Variants in IL12A observed in about 807,000 individuals in gnomAD.
IL12A encodes interleukin 12A.
Under a neutral mutation model 23.5 loss-of-function variants are expected in IL12A, and 16 were observed. The observed-to-expected ratio is 0.68, with a 90% CI of 0.46 to 1.03. IL12A has a LOEUF of 1.03. Ranked by LOEUF, IL12A falls within the 50% of genes least tolerant of loss-of-function variation. The pLI is 0.00. For missense variants in IL12A, 275 were observed against 307.0 expected (o/e 0.90, Z 0.78); for synonymous variants, 106 against 111.5 (o/e 0.95, Z 0.31).
intron 6 of IL12A, chr3:159,994,323 T>C (rs1469962474): frequency 1.9e-5 from 3 of 157,462 alleles, no homozygotes; most frequent in African/African-American, 7.2e-5. Flanking sequence ...ACAAGCAAGA[T>C]TGGTGCCTGA....
At chr3:159,992,437 A>G (rs905694673) in intron 2 of IL12A, among the ~76,000 whole-genome samples, 1 of 152,146 alleles carries the variant, frequency 6.6e-6, no homozygotes, top group Admixed American at 6.5e-5. Context: ...AATGATCGTA[A>G]TCTTCAATCA....
chr3:159,993,101 C>T lies in IL12A; in HGVS notation c.354C>T (p.Ala118=), dbSNP rs746817892. The T allele has an allele frequency of 3.8e-6, 6 of 1,592,746 alleles. No homozygotes were observed. In the South Asian group the frequency reaches 6.6e-5, roughly 18 times the overall value. Reference sequence around the variant, plus strand: ...AAGATAAAACCAGCACAGTGGAGGCCTGTTTACCATTGGAATTAACCAAGG... The same window carrying T: ...AAGATAAAACCAGCACAGTGGAGGCTTGTTTACCATTGGAATTAACCAAGG... Residue 118 remains alanine (A), a synonymous_variant, in exon 3 of 7, where the codon GCC becomes GCT. Transcript: ENST00000305579.
chr3:159,991,180 T>G (rs1192988627), intron 2 of IL12A, among the ~76,000 whole-genome samples: 1 of 152,192 alleles, frequency 6.6e-6, no homozygotes, highest in African/African-American at 2.4e-5. Context: ...CGAAGAAAGG[T>G]TCAAAATGGG....
rs1201749064 is a variant in IL12A at position 159,990,320 on chromosome 3, T to C, written c.264+8T>C. On this transcript the variant is annotated splice_region_variant and intron_variant, in intron 2 of 6. Coordinates refer to ENST00000305579, the MANE Select transcript of IL12A (RefSeq NM_000882.4). Reference sequence around the variant, plus strand: ...AGCAACATGCTCCAGAAGGTGAGCCTTTCCTGTCCTCTCCACTGTGGACCT... The same window carrying C: ...AGCAACATGCTCCAGAAGGTGAGCCCTTCCTGTCCTCTCCACTGTGGACCT... 10 of 1,613,760 alleles carry C rather than the reference T, an allele frequency of 6.2e-6. 1 individual carries two copies. The South Asian group carries it at 9.9e-5, about 16-fold the overall frequency.
At chr3:159,993,881 A>G in intron 6 of IL12A, 37 bp downstream of exon 6, 2 of 1,607,500 alleles carry the variant, frequency 1.2e-6, no homozygotes, top group Non-Finnish European at 1.7e-6. Flanking sequence ...CACCTTTTTC[A>G]TGCTAAAGAT....
At position 159,989,021 on chromosome 3, in the gene IL12A, G is replaced by A. The variant is rs772406139; in HGVS notation, c.-36G>A. The A allele has an allele frequency of 1.3e-6, 2 of 1,526,202 alleles. No individual in the cohort carries two copies. Among genetic ancestry groups the A allele is most frequent in the Non-Finnish European group, 1.8e-6 (2 of 1,100,380 alleles). The allele number at this position is 1,526,202 out of a possible 1,614,324, so 94.5% of individuals were successfully genotyped here. A position where few individuals can be genotyped will look rare whatever the true frequency, so the allele number is the denominator to read the frequency against. ...ACAGAAAGCAAGAGACCAGAGTCCC[G>A]GGAAAGTCCTGCCGCGCCTCGGGAC... is the stretch of plus-strand genomic sequence containing the variant. On this transcript the variant is annotated 5_prime_UTR_variant, in exon 1 of 7. Coordinates refer to ENST00000305579, the MANE Select transcript of IL12A (RefSeq NM_000882.4).
chr3:159,992,433 C>T (rs1348499814), intron 2 of IL12A, among the ~76,000 whole-genome samples: 2 of 152,144 alleles, frequency 1.3e-5, no homozygotes, highest in African/African-American at 2.4e-5. Flanking sequence ...GAAAAATGAT[C>T]GTAATCTTCA....
chr3:159,992,920 G>A (rs1720367567), intron 2 of IL12A, 92 bp from the exon 3 acceptor site: 11 of 683,168 alleles, frequency 1.6e-5, no homozygotes, highest in Admixed American at 5.1e-5. Flanking sequence ...GCAGCCAGCC[G>A]GAGCCTTCCT....
At chr3:159,994,097 T>C in intron 6 of IL12A, 1 of 415,802 alleles carries the variant, frequency 2.4e-6, no homozygotes, top group Non-Finnish European at 4.4e-6. Context: ...TTGTGCATTT[T>C]CTTATGTCAG....
At position 159,993,822 on chromosome 3, in the gene IL12A, C is replaced by T; in HGVS notation, c.584C>T (p.Ala195Val). The T allele has an allele frequency of 6.2e-7, 1 of 1,614,112 alleles. No homozygotes were observed. Among genetic ancestry groups the T allele is most frequent in the Non-Finnish European group, 8.5e-7 (1 of 1,179,996 alleles). ...ATCTTTCTAGATCAAAACATGCTGG[C>T]AGTTATTGATGAGCTGATGCAGGTA... Residue 195 changes from alanine (A) to valine (V), a missense_variant, in exon 6 of 7, where the codon GCA (alanine) becomes GTA (valine). Ala to Val is a moderately conservative substitution (Grantham distance 64). Transcript: ENST00000305579.
Position 159,990,228 on chromosome 3 carries a change from C to A in IL12A, c.180C>A (p.Pro60=). The change falls in exon 2 of 7, where the codon CCC becomes CCA. Residue 60 remains proline, a synonymous_variant. Coordinates refer to ENST00000305579, the MANE Select transcript of IL12A (RefSeq NM_000882.4). ...ACCTCAGTTTGGCCAGAAACCTCCC[C>A]GTGGCCACTCCAGACCCAGGAATGT... is the stretch of plus-strand genomic sequence containing the variant. 1.2e-6 allele frequency: 2 copies of A among 1,614,034 alleles called. No individual in the cohort carries two copies. The highest frequency in any genetic ancestry group is 8.5e-7 in the Non-Finnish European group (1 of 1,179,966).
At position 159,990,396 on chromosome 3, in the gene IL12A, G is replaced by A; in HGVS notation, c.264+84G>A. Reference sequence around the variant, plus strand: ...TGATCCTCCCCTCTGGTACCTGATGGAACTGCAGAGAAATTGTGGAAGTTC... The same window carrying A: ...TGATCCTCCCCTCTGGTACCTGATGAAACTGCAGAGAAATTGTGGAAGTTC... On this transcript the variant is annotated intron_variant, in intron 2 of 6. Transcript: ENST00000305579. 4 of 1,362,660 alleles carry A rather than the reference G, an allele frequency of 2.9e-6. No homozygotes were observed. The South Asian group carries it at 4.1e-5, about 14-fold the overall frequency. The allele number at this position is 1,362,660 out of a possible 1,614,324, so 84.4% of individuals were successfully genotyped here.
intron 6 of IL12A, chr3:159,994,447 A>G (rs1720425026): frequency 6.6e-6 from 1 of 152,424 alleles, no homozygotes; most frequent in Non-Finnish European, 1.5e-5. Context: ...CTGAATCACC[A>G]TAACACAGAT....
At chr3:159,994,580 G>GTGTGTT (rs374727762) in intron 6 of IL12A, among the ~76,000 whole-genome samples, 1,363 of 30,434 alleles carry the variant, frequency 0.045, 11 homozygotes, top group Non-Finnish European at 0.055. Flanking sequence ...TATTCTTTTC[G>GTGTGTT]TGTGTGTGTG....
intron 6 of IL12A, among the ~76,000 whole-genome samples, chr3:159,994,824 G>C (rs2108048411): frequency 6.6e-6 from 1 of 152,184 alleles, no homozygotes; most frequent in South Asian, 2.1e-4. Flanking sequence ...GTATAAAATG[G>C]GGTGACTTTA....
At chr3:159,993,519 C>T (rs375505799) in intron 4 of IL12A, 27 bp downstream of exon 4, 4 of 1,613,730 alleles carry the variant, frequency 2.5e-6, no homozygotes, top group Non-Finnish European at 3.4e-6. Flanking sequence ...AAAGTTTCAG[C>T]CTGTATGATG....
intron 2 of IL12A, 21 bp downstream of exon 2, chr3:159,990,333 C>T (rs1215002509): frequency 1.9e-6 from 3 of 1,612,166 alleles, no homozygotes; most frequent in African/African-American, 2.7e-5. Flanking sequence ...CCTGTCCTCT[C>T]CACTGTGGAC....
Position 159,993,495 on chromosome 3 carries a change from A to G in IL12A, c.420+3A>G, listed in dbSNP as rs1221922617. The G allele has an allele frequency of 1.9e-6, 3 of 1,613,642 alleles. No individual in the cohort carries two copies. Among genetic ancestry groups the G allele is most frequent in the Non-Finnish European group, 2.5e-6 (3 of 1,179,532 alleles). On this transcript the variant is annotated splice_donor_region_variant and intron_variant, in intron 4 of 6. Transcript: ENST00000305579. ...CCAGAGAGACCTCTTTCATAACTGT[A>G]AGTCAAAAAATGAAAAGTTTCAGCC...
At chr3:159,995,374 G>A in intron 6 of IL12A, 30 bp from the exon 7 acceptor site, 1 of 1,524,616 alleles carries the variant, frequency 6.6e-7, no homozygotes, top group Non-Finnish European at 8.8e-7. Flanking sequence ...GGAATACCAT[G>A]TAAGTCATGC....
Sources: gnomAD v4.1 joint callset for allele counts (sites outside exome capture counted in the v4.1 genomes callset) on GRCh38, gnomAD v4.1.1 for gene constraint, MANE v1.5 for transcripts, NCBI Gene and HGNC (gene_info 2026-07-23, HGNC 2026-07-21) for gene names.